Variants in UQCC2 observed in about 807,000 individuals in gnomAD.
The protein encoded by UQCC2 is breast cancer-associated protein SGA-81M.
In UQCC2, 21 loss-of-function variants were observed where a neutral mutation model predicts 19.9. The observed-to-expected ratio is 1.05, with a 90% CI of 0.75 to 1.52. The LOEUF (loss-of-function observed/expected upper bound fraction) is 1.52. Ranked by LOEUF, UQCC2 falls within the 40% of genes most tolerant of loss-of-function variation. The probability of loss-of-function intolerance (pLI) is 0.00; values close to 1 mark genes in which losing one functional copy is unlikely to be tolerated. For synonymous variants in UQCC2, 57 were observed against 60.9 expected, an observed-to-expected ratio of 0.94 and a Z score of 0.30; for missense variants, 135 against 157.5, an observed-to-expected ratio of 0.86 and a Z score of 0.76.
rs904780561 is a variant in UQCC2, at chr6:33,708,854, G to A, written c.138+2695C>T. Among the ~76,000 whole-genome samples the A allele has an allele frequency of 2.6e-5, 4 of 152,172 alleles. No homozygotes were observed. In the East Asian group the frequency reaches 5.8e-4, roughly 22 times the overall value. On this transcript the variant is annotated intron_variant, in intron 1 of 3. Transcript: ENST00000607484. ...TTACCACAAAGATTTACTAAGGCCAGGTGCATTCTCAGGTGACATTAGGAT... is the reference window on the plus strand; with the variant it reads ...TTACCACAAAGATTTACTAAGGCCAAGTGCATTCTCAGGTGACATTAGGAT...
chr6:33,711,546 C>G lies in UQCC2; in HGVS notation c.138+3G>C. The G allele has an allele frequency of 6.3e-7, 1 of 1,597,600 alleles. No individual in the cohort carries two copies. Among genetic ancestry groups the G allele is most frequent in the Non-Finnish European group, 8.5e-7 (1 of 1,173,192 alleles). On this transcript the variant is annotated splice_donor_region_variant and intron_variant, in intron 1 of 3. Transcript: ENST00000607484. ...TCGTCCCAGCCGCCTCCCCGCCGGT[C>G]ACCTGGGTATTCTCTCCCTCCCGAA...
At position 33,700,068 on chromosome 6, in the gene UQCC2, T is replaced by G. The variant is rs547688140; in HGVS notation, c.283+376A>C. On this transcript the variant is annotated intron_variant, in intron 3 of 3. Transcript: ENST00000607484. ...TCTTAGGCGGATATCCCCAAACACGTTTATTGAATGGTTTTTTGTTTTAAT... is the reference window on the plus strand; with the variant it reads ...TCTTAGGCGGATATCCCCAAACACGGTTATTGAATGGTTTTTTGTTTTAAT... Among the ~76,000 whole-genome samples, 5 of 152,318 alleles carry G rather than the reference T, an allele frequency of 3.3e-5. No individual in the cohort carries two copies. In the South Asian group the frequency reaches 1.0e-3, roughly 32 times the overall value.
chr6:33,706,524 T>TGCACGAGACCC (rs1373291961), intron 1 of UQCC2, among the ~76,000 whole-genome samples: 13 of 152,184 alleles, frequency 8.5e-5, no homozygotes, highest in Non-Finnish European at 1.8e-4. Context: ...CACGGGCCGC[T>TGCACGAGACCC]GCACGAGACC....
chr6:33,700,860 C>G (rs928914109), intron 2 of UQCC2, among the ~76,000 whole-genome samples: 1 of 152,194 alleles, frequency 6.6e-6, no homozygotes, highest in East Asian at 1.9e-4. Flanking sequence ...TCCACATAGG[C>G]ATATGGCCAC....
rs140128386 is a variant in UQCC2 at position 33,701,663 on chromosome 6, C to T, written c.139-243G>A. Among the ~76,000 whole-genome samples, 869 of 152,156 alleles carry T rather than the reference C, an allele frequency of 5.7e-3. 14 individuals carry two copies. Among genetic ancestry groups the T allele is most frequent in the African/African-American group, 0.02 (815 of 41,502 alleles). ...CTACAGAAAAATCAGATCAATTAAT[C>T]AGCAAACAAGCATTTGTTGAGCATC... On this transcript the variant is annotated intron_variant, in intron 1 of 3. Coordinates refer to ENST00000607484, the MANE Select transcript of UQCC2 (RefSeq NM_032340.4).
At chr6:33,703,411 C>T (rs1179590864) in intron 1 of UQCC2, among the ~76,000 whole-genome samples, 3 of 152,134 alleles carry the variant, frequency 2.0e-5, no homozygotes, top group African/African-American at 7.2e-5. Context: ...GATTTGCCCA[C>T]CTCGGCCTCC....
rs575733803 is a variant in UQCC2, at chr6:33,703,898, C to T, written c.139-2478G>A. On this transcript the variant is annotated intron_variant, in intron 1 of 3. Coordinates refer to ENST00000607484, the MANE Select transcript of UQCC2 (RefSeq NM_032340.4). ...GTCTCAATAATAATCTATGGAAAAA[C>T]AGGATGTCCTGCTGCATTTAACAGT... 2.0e-5 allele frequency among the ~76,000 whole-genome samples: 3 copies of T among 152,316 alleles called. No individual in the cohort carries two copies. The East Asian group carries it at 5.8e-4, about 29-fold the overall frequency.
chr6:33,711,271 CAA>C (rs1356727295), intron 1 of UQCC2, among the ~76,000 whole-genome samples: 1 of 152,182 alleles, frequency 6.6e-6, no homozygotes, highest in Non-Finnish European at 1.5e-5. Context: ...CTCGGCCTCT[CAA>C]AGAGTGCTGG....
chr6:33,702,870 G>A (rs1471766835), intron 1 of UQCC2, among the ~76,000 whole-genome samples: 1 of 152,192 alleles, frequency 6.6e-6, no homozygotes, highest in Non-Finnish European at 1.5e-5. Context: ...CTGCCTCTCT[G>A]TGCATGTCAA....
At chr6:33,707,347 T>A (rs781436588) in intron 1 of UQCC2, among the ~76,000 whole-genome samples, 1 of 152,186 alleles carries the variant, frequency 6.6e-6, no homozygotes, top group Non-Finnish European at 1.5e-5. Flanking sequence ...GTGAGCAACG[T>A]TGAGATGGCT....
chr6:33,699,256 G>A (rs1039514046), intron 3 of UQCC2, among the ~76,000 whole-genome samples: 1 of 152,238 alleles, frequency 6.6e-6, no homozygotes, highest in African/African-American at 2.4e-5. Context: ...GAGGCTTGCT[G>A]TGAAAACAAA....
chr6:33,711,469 C>T (rs1292995220), intron 1 of UQCC2, 80 bp downstream of exon 1: 5 of 1,497,790 alleles, frequency 3.3e-6, no homozygotes, highest in South Asian at 2.7e-5. Flanking sequence ...ATGCGCAGAT[C>T]CCCCTGCTAG....
chr6:33,711,417 G>T, intron 1 of UQCC2, 132 bp downstream of exon 1: 2 of 1,316,684 alleles, frequency 1.5e-6, no homozygotes, highest in Admixed American at 3.0e-5. Flanking sequence ...GGGGGAAAAA[G>T]GGGGTCCGCG....
chr6:33,711,399 A>G, intron 1 of UQCC2, 150 bp downstream of exon 1: 5 of 1,163,768 alleles, frequency 4.3e-6, no homozygotes, highest in Non-Finnish European at 5.8e-6. Flanking sequence ...CGCTATCAGT[A>G]GCTCCCTGGG....
At chr6:33,700,325 T>C (rs1765624278) in intron 3 of UQCC2, 119 bp downstream of exon 3, 1 of 1,095,534 alleles carries the variant, frequency 9.1e-7, no homozygotes, top group Non-Finnish European at 1.4e-6. Flanking sequence ...GAATTTCCTC[T>C]GGGCTGTTCT....
chr6:33,702,015 T>A (rs1376279846), intron 1 of UQCC2, among the ~76,000 whole-genome samples: 1 of 151,690 alleles, frequency 6.6e-6, no homozygotes, highest in Non-Finnish European at 1.5e-5. Context: ...TAGATTCTTT[T>A]GTTTTTTTTG....
chr6:33,706,081 G>A (rs1349889568), intron 1 of UQCC2, among the ~76,000 whole-genome samples: 1 of 152,108 alleles, frequency 6.6e-6, no homozygotes, highest in Non-Finnish European at 1.5e-5. Flanking sequence ...AGTGCTGCAG[G>A]CACTGATTTC....
rs767061081 is a variant in UQCC2, at chr6:33,700,478, C to A, written c.249G>T (p.Leu83=). The A allele has an allele frequency of 3.1e-6, 5 of 1,614,102 alleles. No homozygotes were observed. The African/African-American group carries it at 6.7e-5, about 22-fold the overall frequency. Residue 83 remains leucine (L), a synonymous_variant, in exon 3 of 4, where the codon CTG becomes CTT. Coordinates refer to ENST00000607484, the MANE Select transcript of UQCC2 (RefSeq NM_032340.4). ...PRPRDTSFSG[L]SLEEYKLILS... ...GGATCAGCTTGTACTCTTCCAACGACAGGCCACTGAAGCTGGTGTCTCTGG... is the reference window on the plus strand; with the variant it reads ...GGATCAGCTTGTACTCTTCCAACGAAAGGCCACTGAAGCTGGTGTCTCTGG...
chr6:33,700,660 C>T (rs569978046), intron 2 of UQCC2, 147 bp from the exon 3 acceptor site: 2 of 759,438 alleles, frequency 2.6e-6, no homozygotes, highest in African/African-American at 1.7e-5. Flanking sequence ...GAGGTCAAGA[C>T]TTGGCCTCGC....
Sources: gnomAD v4.1 joint callset for allele counts (sites outside exome capture counted in the v4.1 genomes callset) on GRCh38, gnomAD v4.1.1 for gene constraint, MANE v1.5 for transcripts, NCBI Gene and HGNC (gene_info 2026-07-23, HGNC 2026-07-21) for gene names.